The following PACS1 variants were observed in gnomAD, a reference collection of about 807,000 sequenced individuals.
The protein encoded by PACS1 is PACS-1.
In PACS1, 24 loss-of-function variants were observed where a neutral mutation model predicts 115.0. That is an observed-to-expected ratio of 0.21 (90% CI 0.15 to 0.29). The LOEUF is 0.29. Among genes scored for constraint, PACS1 ranks in the 10% least tolerant of loss-of-function variants. The pLI is 1.00. For synonymous variants in PACS1, 453 were observed against 504.5 expected, an observed-to-expected ratio of 0.90 and a Z score of 1.37; for missense variants, 838 against 1,251.2, an observed-to-expected ratio of 0.67 and a Z score of 4.98.
At chr11:66,154,431 C>T (rs1859309873) in intron 1 of PACS1, among the ~76,000 whole-genome samples, 1 of 151,936 alleles carries the variant, frequency 6.6e-6, no homozygotes, top group Non-Finnish European at 1.5e-5. Flanking sequence ...AGAGTGAGAC[C>T]CTGTCTCTAA....
At chr11:66,212,955 T>C (rs1855111874) in intron 4 of PACS1, among the ~76,000 whole-genome samples, 2 of 152,196 alleles carry the variant, frequency 1.3e-5, no homozygotes, top group Admixed American at 6.5e-5. Flanking sequence ...GTTCCAGCAG[T>C]TCTCCTGCCT....
rs536181609 is a variant in PACS1, at chr11:66,194,870, T to C, written c.444+1297T>C. Among the ~76,000 whole-genome samples, 3 of 152,298 alleles carry C rather than the reference T, an allele frequency of 2.0e-5. No individual in the cohort carries two copies. In the East Asian group the frequency reaches 5.8e-4, roughly 29 times the overall value. ...TCAGTGTGTGAATCATATATTGAGG[T>C]GCCTCGGCCTCTTTCTGGGATAAAG... On this transcript the variant is annotated intron_variant, in intron 2 of 23. Transcript: ENST00000320580.
chr11:66,070,701 C>T lies in PACS1; in HGVS notation c.215C>T (p.Thr72Ile), dbSNP rs761793028. The T allele has an allele frequency of 2.9e-5, 46 of 1,580,000 alleles. No individual in the cohort carries two copies. Among genetic ancestry groups the T allele is most frequent in the East Asian group, 7.1e-5 (3 of 42,146 alleles). Residue 72 changes from threonine (T) to isoleucine (I), a missense_variant, in exon 1 of 24, where the codon ACC becomes ATC. Coordinates refer to ENST00000320580, the MANE Select transcript of PACS1 (RefSeq NM_018026.4). This position sits in a 1 kb window ranked among gnomAD's most constrained non-coding sequence, Gnocchi z 5.9. ...AAAASSSSSS[T>I]STSMAVAVAS... ...GCTGCCTCCTCCTCGTCCTCGTCTACCTCCACCTCCATGGCCGTGGCGGTG... is the reference window on the plus strand; with the variant it reads ...GCTGCCTCCTCCTCGTCCTCGTCTATCTCCACCTCCATGGCCGTGGCGGTG...
intron 7 of PACS1, chr11:66,218,456 C>T (rs1855264330): frequency 6.6e-6 from 1 of 152,134 alleles, no homozygotes; most frequent in Admixed American, 6.5e-5. Flanking sequence ...GCCACCTGTC[C>T]CAGGAGTGCC....
At chr11:66,200,048 CAA>C (rs148337835) in intron 2 of PACS1, among the ~76,000 whole-genome samples, 1 of 142,462 alleles carries the variant, frequency 7.0e-6, no homozygotes, top group Admixed American at 7.0e-5. Flanking sequence ...CAAAACAAAA[CAA>C]AAAAAAAAAC....
intron 1 of PACS1, among the ~76,000 whole-genome samples, chr11:66,162,112 G>GTTTTTTTTTT (rs58980906): frequency 1.8e-5 from 1 of 56,320 alleles, no homozygotes; most frequent in Non-Finnish European, 3.2e-5. Flanking sequence ...GGTGGTGGTG[G>GTTTTTTTTTT]TTTTTTTTTT....
chr11:66,146,224 G>A (rs1859121143), intron 1 of PACS1, among the ~76,000 whole-genome samples: 1 of 152,162 alleles, frequency 6.6e-6, no homozygotes, highest in African/African-American at 2.4e-5. Context: ...GAGCCTAGAT[G>A]TTAGGTTTAG....
intron 1 of PACS1, among the ~76,000 whole-genome samples, chr11:66,141,829 C>T (rs1016611578): frequency 6.0e-5 from 9 of 151,114 alleles, no homozygotes; most frequent in Non-Finnish European, 1.0e-4. Context: ...TTTTTTGAGA[C>T]GGAATCTCAC....
chr11:66,184,262 G>A lies in PACS1; in HGVS notation c.357-9224G>A, dbSNP rs920352798. On this transcript the variant is annotated intron_variant, in intron 1 of 23. Transcript: ENST00000320580. ...TGAGAGGCGGAGGCTGCGGTGAGCC[G>A]AGATCGCACCACTGCACTCCAGTCT... is the stretch of plus-strand genomic sequence containing the variant. Among the ~76,000 whole-genome samples the A allele has an allele frequency of 5.0e-5, 7 of 139,308 alleles. No homozygotes were observed. The East Asian group carries it at 1.3e-3, about 26-fold the overall frequency. The allele number at this position is 139,308 out of a possible 152,430, so 91.4% of individuals were successfully genotyped here.
rs112189564 is a variant in PACS1, at chr11:66,102,349, G to A, written c.356+31507G>A. ...ATTATTTTATTTTTTATTTTGAGACGGGTCTCACTCTCTCACCCAGGCTGG... is the reference window on the plus strand; with the variant it reads ...ATTATTTTATTTTTTATTTTGAGACAGGTCTCACTCTCTCACCCAGGCTGG... On this transcript the variant is annotated intron_variant, in intron 1 of 23. Transcript: ENST00000320580. Among the ~76,000 whole-genome samples, 225 of 151,388 alleles carry A rather than the reference G, an allele frequency of 1.5e-3. 2 individuals carry two copies. Among genetic ancestry groups the A allele is most frequent in the African/African-American group, 5.3e-3 (218 of 41,212 alleles).
chr11:66,169,881 GTA>G (rs1859696773), intron 1 of PACS1, among the ~76,000 whole-genome samples: 1 of 150,348 alleles, frequency 6.7e-6, no homozygotes, highest in Non-Finnish European at 1.5e-5. Context: ...CTGGAAGAAT[GTA>G]TATAAGATTA....
intron 1 of PACS1, among the ~76,000 whole-genome samples, chr11:66,188,136 C>G (rs1248415946): frequency 1.5e-5 from 2 of 134,010 alleles, no homozygotes; most frequent in Admixed American, 1.5e-4. Flanking sequence ...CTGTTCAGAT[C>G]GTTTGGCGAT....
At chr11:66,221,822 A>T (rs1181144039) in intron 10 of PACS1, among the ~76,000 whole-genome samples, 1 of 152,022 alleles carries the variant, frequency 6.6e-6, no homozygotes. Context: ...GAATACATAC[A>T]ATCTCCCCCT....
At chr11:66,098,138 C>T (rs966532091) in intron 1 of PACS1, among the ~76,000 whole-genome samples, 1 of 152,164 alleles carries the variant, frequency 6.6e-6, no homozygotes, top group Non-Finnish European at 1.5e-5. Flanking sequence ...GATCATGCCA[C>T]CACACTCCAG....
intron 1 of PACS1, among the ~76,000 whole-genome samples, chr11:66,144,060 G>A (rs893179331): frequency 1.3e-5 from 2 of 152,194 alleles, no homozygotes; most frequent in African/African-American, 4.8e-5. Flanking sequence ...TGTCAACATG[G>A]TAACAATATT....
Position 66,216,127 on chromosome 11 carries a change from G to A in PACS1, c.669G>A (p.Gln223=). The A allele has an allele frequency of 6.2e-7, 1 of 1,613,834 alleles. No homozygotes were observed. Residue 223 remains glutamine (Q), a synonymous_variant, in exon 5 of 24, where the codon CAG becomes CAA. Transcript: ENST00000320580. ...VGLINMAEVM[Q]HPNEGALVLG... ...CCTCCCCTGGCTCCTAGGTGATGCA[G>A]CATCCTAATGAAGGCGCACTGGTGC...
At chr11:66,141,653 C>CAA (rs146519414) in intron 1 of PACS1, among the ~76,000 whole-genome samples, 3 of 117,940 alleles carry the variant, frequency 2.5e-5, no homozygotes, top group Non-Finnish European at 3.6e-5. Flanking sequence ...GACTCCATCT[C>CAA]AAAAAAAAAA....
chr11:66,134,963 C>T lies in PACS1; in HGVS notation c.357-58523C>T, dbSNP rs1017300972. 9.2e-5 allele frequency among the ~76,000 whole-genome samples: 14 copies of T among 152,150 alleles called. 2 individuals are homozygous for T. Among genetic ancestry groups the T allele is most frequent in the Admixed American group, 8.5e-4 (13 of 15,274 alleles). ...CAGTGGCTCACGCCTGTAATCCCAG[C>T]ATTTTGGGAGGCTGAGGTAGGTGGA... On this transcript the variant is annotated intron_variant, in intron 1 of 23. Coordinates refer to ENST00000320580, the MANE Select transcript of PACS1 (RefSeq NM_018026.4).
chr11:66,232,610 G>A (rs1462430421), intron 14 of PACS1, among the ~76,000 whole-genome samples: 1 of 152,218 alleles, frequency 6.6e-6, no homozygotes, highest in Non-Finnish European at 1.5e-5. Context: ...GCACCCGGCT[G>A]TAACCTCCAG....
Sources: allele counts gnomAD v4.1 joint callset (sites outside exome capture counted in the v4.1 genomes callset), GRCh38; gene constraint gnomAD v4.1.1; non-coding constraint Gnocchi (gnomAD v3.1); transcripts MANE v1.5; gene names NCBI Gene and HGNC (gene_info 2026-07-23, HGNC 2026-07-21).